CCSER1: variants seen among roughly 807,000 people sequenced by gnomAD.
CCSER1 encodes coiled-coil serine rich protein 1, also known as serine-rich coiled-coil domain-containing protein 1.
Under a neutral mutation model 82.0 loss-of-function variants are expected in CCSER1, and 41 were observed. The observed-to-expected ratio is 0.50, with a 90% CI of 0.39 to 0.65. The LOEUF (loss-of-function observed/expected upper bound fraction) is 0.65. Ranked by LOEUF, CCSER1 falls within the 30% of genes least tolerant of loss-of-function variation. The pLI, the probability that CCSER1 is intolerant of heterozygous loss-of-function variation, is 0.00. For synonymous variants in CCSER1, 414 were observed against 383.9 expected (o/e 1.08, Z -0.92); for missense variants, 1,119 against 1,064.2 (o/e 1.05, Z -0.72).
At chr4:90,619,757 CT>C (rs1328429655) in intron 5 of CCSER1, among the ~76,000 whole-genome samples, 1 of 151,908 alleles carries the variant, frequency 6.6e-6, no homozygotes, top group Non-Finnish European at 1.5e-5. Flanking sequence ...TGGTGTGTAT[CT>C]TTATGTGTAT....
intron 10 of CCSER1, among the ~76,000 whole-genome samples, chr4:91,439,677 TAA>T (rs1358372548): frequency 6.6e-6 from 1 of 151,856 alleles, no homozygotes; most frequent in African/African-American, 2.4e-5. Context: ...GCAAATTGGA[TAA>T]AGAGTCAAGA....
At position 91,304,058 on chromosome 4, in the gene CCSER1, A is replaced by C. The variant is rs947462642; in HGVS notation, c.2217+218064A>C. On this transcript the variant is annotated intron_variant, in intron 10 of 10. Coordinates refer to ENST00000509176, the MANE Select transcript of CCSER1 (RefSeq NM_001145065.2). ...ATTGTGGTAGCACCCTTCCTGAGTC[A>C]ATTGCATTCTATATTAAACCATCTT... Among the ~76,000 whole-genome samples, 3 of 152,078 alleles carry C rather than the reference A, an allele frequency of 2.0e-5. No homozygotes were observed. In the South Asian group the frequency reaches 6.2e-4, roughly 32 times the overall value.
At chr4:91,316,557 G>A (rs1002999518) in intron 10 of CCSER1, among the ~76,000 whole-genome samples, 8 of 151,938 alleles carry the variant, frequency 5.3e-5, no homozygotes, top group Admixed American at 3.9e-4. Context: ...CACTAAATAC[G>A]TACGTCCTCT....
chr4:91,534,777 A>C (rs960256169), intron 10 of CCSER1, among the ~76,000 whole-genome samples: 1 of 151,930 alleles, frequency 6.6e-6, no homozygotes, highest in Non-Finnish European at 1.5e-5. Flanking sequence ...TAATTTCTAA[A>C]TATCCTAATT....
chr4:91,293,139 TGAGATCA>T (rs1380790392), intron 10 of CCSER1, among the ~76,000 whole-genome samples: 2 of 151,978 alleles, frequency 1.3e-5, no homozygotes, highest in Non-Finnish European at 2.9e-5. Flanking sequence ...AAAAATGCAC[TGAGATCA>T]GATTTCATGG....
chr4:90,822,254 A>T (rs1301663168), intron 8 of CCSER1, among the ~76,000 whole-genome samples: 2 of 152,178 alleles, frequency 1.3e-5, no homozygotes, highest in Non-Finnish European at 2.9e-5. Flanking sequence ...CACTTTCAAA[A>T]ATGTTAAACA....
intron 3 of CCSER1, among the ~76,000 whole-genome samples, chr4:90,380,221 A>G (rs1748999925): frequency 6.6e-6 from 1 of 152,158 alleles, no homozygotes; most frequent in African/African-American, 2.4e-5. Context: ...CGTCTCAGAA[A>G]AGTGGTTAAC....
At chr4:90,290,902 A>G (rs1003977503) in intron 1 of CCSER1, among the ~76,000 whole-genome samples, 6 of 152,062 alleles carry the variant, frequency 3.9e-5, no homozygotes, top group South Asian at 4.1e-4. Context: ...ATGTAATATC[A>G]GGATATCTTT....
chr4:91,468,829 T>C (rs1395497078), intron 10 of CCSER1, among the ~76,000 whole-genome samples: 2 of 152,144 alleles, frequency 1.3e-5, no homozygotes, highest in South Asian at 2.1e-4. Flanking sequence ...ATGGTTGTGC[T>C]GAGGTATAAA....
intron 1 of CCSER1, among the ~76,000 whole-genome samples, chr4:90,206,293 G>A (rs1025758656): frequency 1.3e-5 from 2 of 152,020 alleles, no homozygotes; most frequent in East Asian, 1.9e-4. Context: ...TGATGTTAGG[G>A]TGTCAATTTT....
At chr4:91,071,406 A>C (rs1185537671) in intron 9 of CCSER1, among the ~76,000 whole-genome samples, 1 of 152,188 alleles carries the variant, frequency 6.6e-6, no homozygotes, top group Non-Finnish European at 1.5e-5. Context: ...AAGACTTGAT[A>C]AGCCATGGGA....
intron 10 of CCSER1, among the ~76,000 whole-genome samples, chr4:91,091,790 C>A (rs1317920197): frequency 6.6e-6 from 1 of 152,150 alleles, no homozygotes; most frequent in African/African-American, 2.4e-5. Context: ...GTCCCTTCCA[C>A]TGTGGCCGTA....
chr4:90,143,473 T>C (rs1469273825), intron 1 of CCSER1, among the ~76,000 whole-genome samples: 1 of 136,724 alleles, frequency 7.3e-6, no homozygotes, highest in African/African-American at 2.7e-5. Flanking sequence ...TATTTCTGTT[T>C]CCTAGCAAGT....
chr4:91,318,513 GT>G (rs928954518), intron 10 of CCSER1, among the ~76,000 whole-genome samples: 4 of 151,884 alleles, frequency 2.6e-5, no homozygotes, highest in African/African-American at 9.7e-5. Flanking sequence ...GAGAAAGAAA[GT>G]TTTTTATAGA....
intron 8 of CCSER1, among the ~76,000 whole-genome samples, chr4:90,860,757 G>A (rs1357228269): frequency 6.6e-6 from 1 of 151,648 alleles, no homozygotes; most frequent in Non-Finnish European, 1.5e-5. Flanking sequence ...AGAAGGCAGA[G>A]AGAAAAGGCC....
chr4:90,665,607 C>T (rs562099050), intron 6 of CCSER1, among the ~76,000 whole-genome samples: 81 of 152,222 alleles, frequency 5.3e-4, no homozygotes, highest in Non-Finnish European at 1.0e-3. Context: ...AGGTATAAGC[C>T]AGCGCCTCCG....
intron 5 of CCSER1, among the ~76,000 whole-genome samples, chr4:90,597,672 C>T (rs1479964959): frequency 6.6e-6 from 1 of 152,026 alleles, no homozygotes; most frequent in African/African-American, 2.4e-5. Flanking sequence ...GTAACAAGAA[C>T]AGTTAAAATC....
At chr4:91,352,346 A>C (rs1472643933) in intron 10 of CCSER1, among the ~76,000 whole-genome samples, 1 of 152,174 alleles carries the variant, frequency 6.6e-6, no homozygotes, top group African/African-American at 2.4e-5. Context: ...TCCTAGGTTC[A>C]AGCAATTCTC....
At chr4:91,305,962 C>T (rs560285973) in intron 10 of CCSER1, among the ~76,000 whole-genome samples, 2 of 151,614 alleles carry the variant, frequency 1.3e-5, no homozygotes, top group Admixed American at 6.6e-5. Flanking sequence ...CAGTTATCTC[C>T]CACCAGGTCC....
Sources: gnomAD v4.1 joint callset for allele counts (sites outside exome capture counted in the v4.1 genomes callset) on GRCh38, gnomAD v4.1.1 for gene constraint, MANE v1.5 for transcripts, NCBI Gene and HGNC (gene_info 2026-07-23, HGNC 2026-07-21) for gene names.